ARFGEF1: variants seen among roughly 807,000 people sequenced by gnomAD.
The protein encoded by ARFGEF1 is ARF guanine nucleotide exchange factor 1.
ARFGEF1 carries 42 observed loss-of-function variants against 231.0 expected under a neutral mutation model. The ratio of observed to expected loss-of-function variants is 0.18; its 90% CI spans 0.14 to 0.24. The LOEUF is 0.24. ARFGEF1 is among the 10% of genes least tolerant of loss of function. The pLI is 1.00. For synonymous variants in ARFGEF1, 710 were observed against 732.3 expected (o/e 0.97, Z 0.49); for missense variants, 1,345 against 2,192.0 (o/e 0.61, Z 7.72).
intron 1 of ARFGEF1, among the ~76,000 whole-genome samples, chr8:67,305,841 T>C (rs2128918434): frequency 6.6e-6 from 1 of 152,328 alleles, no homozygotes; most frequent in African/African-American, 2.4e-5. Context: ...CAAACTTGAT[T>C]TCTGTCAACT....
chr8:67,281,432 T>C (rs532103474), intron 7 of ARFGEF1, among the ~76,000 whole-genome samples: 1 of 152,222 alleles, frequency 6.6e-6, no homozygotes, highest in South Asian at 2.1e-4. Context: ...TAAAAGCATC[T>C]TTTAATCAAA....
At chr8:67,180,593 G>T (rs947477594) in intron 5 of ARFGEF1, among the ~76,000 whole-genome samples, 1 of 152,136 alleles carries the variant, frequency 6.6e-6, no homozygotes, top group African/African-American at 2.4e-5. Flanking sequence ...ACACACAAAT[G>T]AGTATTGGTA....
At chr8:67,195,599 A>AGTG, downstream of ARFGEF1, 1 of 1,611,860 alleles carries the variant, frequency 6.2e-7, no homozygotes, top group Non-Finnish European at 8.5e-7. Flanking sequence ...GTTAAAATAA[A>AGTG]CCTGTACTGG....
chr8:67,225,579 C>T (rs1185838547), intron 28 of ARFGEF1, among the ~76,000 whole-genome samples: 1 of 152,144 alleles, frequency 6.6e-6, no homozygotes, highest in African/African-American at 2.4e-5. Context: ...GAGCTTAAGC[C>T]TATTCTCATC....
At chr8:67,280,488 T>C (rs574553017) in intron 7 of ARFGEF1, among the ~76,000 whole-genome samples, 51 of 152,378 alleles carry the variant, frequency 3.3e-4, no homozygotes, top group African/African-American at 1.2e-3. Flanking sequence ...TACTTAATTA[T>C]TTCCAATTAA....
At chr8:67,210,731 G>A (rs1055578676) in intron 34 of ARFGEF1, among the ~76,000 whole-genome samples, 2 of 152,156 alleles carry the variant, frequency 1.3e-5, no homozygotes, top group African/African-American at 4.8e-5. Flanking sequence ...TCTACCAGAG[G>A]ATGTCCAAAT....
chr8:67,343,088 A>ACCCCCCCC, intron 1 of ARFGEF1, 76 bp downstream of exon 1: 1 of 399,150 alleles, frequency 2.5e-6, no homozygotes, highest in Non-Finnish European at 4.8e-6. Flanking sequence ...GCCCCGGGCG[A>ACCCCCCCC]CCCCACCCCC....
intron 5 of ARFGEF1, among the ~76,000 whole-genome samples, chr8:67,177,886 A>C (rs1294039865): frequency 6.6e-6 from 1 of 151,774 alleles, no homozygotes; most frequent in African/African-American, 2.4e-5. Flanking sequence ...TGTTAGTGTA[A>C]TATATATAGA....
chr8:67,299,172 G>A (rs755866182), intron 4 of ARFGEF1, 37 bp downstream of exon 4: 2 of 1,477,318 alleles, frequency 1.4e-6, no homozygotes, highest in African/African-American at 1.4e-5. Flanking sequence ...TGAAGATACA[G>A]ATTATTAATA....
chr8:67,340,429 A>G (rs2087910539), intron 1 of ARFGEF1, among the ~76,000 whole-genome samples: 1 of 152,232 alleles, frequency 6.6e-6, no homozygotes, highest in Admixed American at 6.5e-5. Flanking sequence ...TAATGGCCAC[A>G]TAGATTACCA....
chr8:67,300,943 T>C (rs1363548936), intron 3 of ARFGEF1, among the ~76,000 whole-genome samples: 1 of 152,064 alleles, frequency 6.6e-6, no homozygotes, highest in African/African-American at 2.4e-5. Context: ...TTACAGGTCT[T>C]GCATTTCACT....
chr8:67,214,977 T>C (rs368594980), intron 33 of ARFGEF1, among the ~76,000 whole-genome samples: 6 of 152,244 alleles, frequency 3.9e-5, no homozygotes, highest in African/African-American at 9.6e-5. Flanking sequence ...CACAGCATTA[T>C]TCTCAGGCCT....
At position 67,291,979 on chromosome 8, in the gene ARFGEF1, C is replaced by T. The variant is rs766681415; in HGVS notation, c.784G>A (p.Glu262Lys). 7 of 1,613,802 alleles carry T rather than the reference C, an allele frequency of 4.3e-6. No individual in the cohort carries two copies. In the African/African-American group the frequency reaches 6.7e-5, roughly 15 times the overall value. Residue 262 changes from glutamate (E) to lysine (K), a missense_variant, in exon 6 of 39, where the codon GAA becomes AAA. By Grantham distance (56) the Glu-to-Lys change is moderately conservative. Coordinates refer to ENST00000262215, the MANE Select transcript of ARFGEF1 (RefSeq NM_006421.5). Reference protein sequence around the residue: ...QTVDHISQEHEGDLDLHTNDV... With the variant: ...QTVDHISQEHKGDLDLHTNDV... ...TTTGTATGGAGGTCAAGGTCCCCTT[C>T]GTGTTCTTGGGATATATGATCAACA...
At position 67,267,195 on chromosome 8, in the gene ARFGEF1, C is replaced by A; in HGVS notation, c.1708G>T (p.Asp570Tyr). Residue 570 changes from aspartate to tyrosine, a missense_variant, in exon 12 of 39, where the codon GAC becomes TAC. Asp to Tyr is a radical substitution (Grantham distance 160, BLOSUM62 -3). Transcript: ENST00000262215. ...ATATTGGCTGCATTTAAGTCACAGT[C>A]ATAGTTTACATAAATATCCACTACA... ...QSVVDIYVNY[D>Y]CDLNAANIFE... 1.2e-6 allele frequency: 2 copies of A among 1,613,052 alleles called. No individual in the cohort carries two copies. The highest frequency in any genetic ancestry group is 2.2e-5 in the South Asian group (2 of 90,928).
chr8:67,211,303 G>A (rs1285443175), intron 34 of ARFGEF1, among the ~76,000 whole-genome samples, 180 bp downstream of exon 34: 1 of 136,450 alleles, frequency 7.3e-6, no homozygotes, highest in Non-Finnish European at 1.5e-5. Context: ...ACGATGGCGT[G>A]CCACTGTACT....
chr8:67,182,143 C>T (rs1833204189), intron 5 of ARFGEF1, among the ~76,000 whole-genome samples: 4 of 152,114 alleles, frequency 2.6e-5, no homozygotes, highest in Admixed American at 2.0e-4. Context: ...GCTGAGACTA[C>T]AGGCACACAC....
intron 15 of ARFGEF1, among the ~76,000 whole-genome samples, 191 bp from the exon 16 acceptor site, chr8:67,258,481 C>G (rs147610920): frequency 1.3e-5 from 2 of 152,100 alleles, no homozygotes; most frequent in African/African-American, 4.8e-5. Flanking sequence ...CCTGCTACTG[C>G]GCCCAGCTAA....
Position 67,343,428 on chromosome 8 carries a change from A to T in ARFGEF1, c.-141T>A, listed in dbSNP as rs1808755852. ...TGGAGGCGTGGAGGGCAGCGGCAGG[A>T]TCAGGAAGGGGCGGGCGAGCGGGAC... is the stretch of plus-strand genomic sequence containing the variant. On this transcript the variant is annotated 5_prime_UTR_variant, in exon 1 of 39. Coordinates refer to ENST00000262215, the MANE Select transcript of ARFGEF1 (RefSeq NM_006421.5). The T allele has an allele frequency of 7.1e-7, 1 of 1,407,524 alleles. No homozygotes were observed. The highest frequency in any genetic ancestry group is 1.4e-5 in the African/African-American group (1 of 69,648). 87.2% of individuals were successfully genotyped at this position (1,407,524 alleles called of 1,614,324 possible). A position where few individuals can be genotyped will look rare whatever the true frequency, so the allele number is the denominator to read the frequency against.
At chr8:67,300,866 C>A (rs1481927505) in intron 3 of ARFGEF1, among the ~76,000 whole-genome samples, 3 of 148,630 alleles carry the variant, frequency 2.0e-5, no homozygotes, top group South Asian at 2.1e-4. Flanking sequence ...AAAAAAAAAA[C>A]AGCAGACACT....
Sources: allele counts gnomAD v4.1 joint callset (sites outside exome capture counted in the v4.1 genomes callset), GRCh38; gene constraint gnomAD v4.1.1; transcripts MANE v1.5; gene names NCBI Gene and HGNC (gene_info 2026-07-23, HGNC 2026-07-21).